NEK3: variants seen among roughly 807,000 people sequenced by gnomAD.
NEK3 encodes the protein NIMA related kinase 3.
Under a neutral mutation model 66.0 loss-of-function variants are expected in NEK3, and 54 were observed. The ratio of observed to expected loss-of-function variants is 0.82; its 90% CI spans 0.66 to 1.03. The LOEUF (loss-of-function observed/expected upper bound fraction) is 1.03, where lower values mean the gene tolerates loss of function less well. Ranked by LOEUF, NEK3 falls within the 50% of genes least tolerant of loss-of-function variation. The pLI is 0.00. For missense variants in NEK3, 593 were observed against 603.0 expected (o/e 0.98, Z 0.17); for synonymous variants, 200 against 206.2 (o/e 0.97, Z 0.26).
In NEK3 at chr13:52,133,774, C is replaced by T; in HGVS notation, c.1351G>A (p.Glu451Lys). The change falls in exon 15 of 16, where the codon GAA becomes AAA. Residue 451 changes from glutamate (E) to lysine (K), a missense_variant. By Grantham distance (56) the Glu-to-Lys change is moderately conservative. Coordinates refer to ENST00000610828, the MANE Select transcript of NEK3 (RefSeq NM_002498.3). Reference sequence around the variant, plus strand: ...CCTCCATCAACACTGTCCGATGCTTCTGTTTCTTCAGACAGGGGGCCTTTC... The same window carrying T: ...CCTCCATCAACACTGTCCGATGCTTTTGTTTCTTCAGACAGGGGGCCTTTC... ...FLKGPLSEETEASDSVDGGHD... is the reference protein window; with the variant it reads ...FLKGPLSEETKASDSVDGGHD... The T allele has an allele frequency of 6.3e-7, 1 of 1,595,868 alleles. No homozygotes were observed. The highest frequency in any genetic ancestry group is 8.5e-7 in the Non-Finnish European group (1 of 1,170,378).
At chr13:52,155,348 T>C (rs1956386343) in intron 2 of NEK3, among the ~76,000 whole-genome samples, 1 of 152,214 alleles carries the variant, frequency 6.6e-6, no homozygotes, top group South Asian at 2.1e-4. Flanking sequence ...ATAAAACCTA[T>C]AAACTGATCC....
intron 10 of NEK3, among the ~76,000 whole-genome samples, chr13:52,143,611 A>G (rs1956268808): frequency 6.6e-6 from 1 of 152,210 alleles, no homozygotes; most frequent in African/African-American, 2.4e-5. Flanking sequence ...TTCTTAGGTC[A>G]GGCAACAGAA....
Position 52,136,110 on chromosome 13 carries a change from A to G in NEK3, c.1174+6T>C, listed in dbSNP as rs1198418407. On this transcript the variant is annotated splice_donor_region_variant and intron_variant, in intron 13 of 15. Transcript: ENST00000610828. ...TAAAATAATAGTATTCAATCTGACT[A>G]CTAACCTCTATCGTCCTCTGCTGTT... 3.1e-6 allele frequency: 5 copies of G among 1,613,504 alleles called. No homozygotes were observed. The highest frequency in any genetic ancestry group is 1.3e-5 in the African/African-American group (1 of 74,926).
At chr13:52,143,491 C>T (rs1356828879) in intron 10 of NEK3, among the ~76,000 whole-genome samples, 1 of 152,156 alleles carries the variant, frequency 6.6e-6, no homozygotes, top group African/African-American at 2.4e-5. Context: ...CCAGAGTCCA[C>T]AGTTTACATT....
chr13:52,136,205 TGTC>T lies in NEK3; in HGVS notation c.1082_1084del (p.Arg361del). ...TGTATTGGGTACATTTTTCTCCCAC[TGTC>T]GTCTATGAAGATTTGGTGAACTGGC... On this transcript the variant is annotated inframe_deletion, in exon 13 of 16. Coordinates refer to ENST00000610828, the MANE Select transcript of NEK3 (RefSeq NM_002498.3). 1 of 1,613,838 alleles carries T rather than the reference TGTC, an allele frequency of 6.2e-7. No individual in the cohort carries two copies. Among genetic ancestry groups the T allele is most frequent in the Non-Finnish European group, 8.5e-7 (1 of 1,179,744 alleles).
chr13:52,144,636 A>C lies in NEK3; in HGVS notation c.804+55T>G. On this transcript the variant is annotated intron_variant, in intron 9 of 15. Coordinates refer to ENST00000610828, the MANE Select transcript of NEK3 (RefSeq NM_002498.3). Reference sequence around the variant, plus strand: ...AATGTATAATGTTAAAAGATAACAAACCATTTTACCATACACTTGAAAACT... The same window carrying C: ...AATGTATAATGTTAAAAGATAACAACCCATTTTACCATACACTTGAAAACT... 2.2e-6 allele frequency: 3 copies of C among 1,388,012 alleles called. No individual in the cohort carries two copies. In the Admixed American group the frequency reaches 5.3e-5, roughly 25 times the overall value. The allele number at this position is 1,388,012 out of a possible 1,614,324, so 86.0% of individuals were successfully genotyped here.
chr13:52,153,546 T>G (rs187698100), intron 4 of NEK3, among the ~76,000 whole-genome samples: 1 of 152,296 alleles, frequency 6.6e-6, no homozygotes, highest in East Asian at 1.9e-4. Context: ...ATTCTTCTGA[T>G]GTTTTAGTAA....
chr13:52,136,928 T>C lies in NEK3; in HGVS notation c.928-26A>G, dbSNP rs775679363. ...CTTTAAAAGAGATTAACAATACAGA[T>C]TAAATAATGCTTGAATTGCCACAAA... On this transcript the variant is annotated intron_variant, in intron 11 of 15. Transcript: ENST00000610828. 23 of 1,430,674 alleles carry C rather than the reference T, an allele frequency of 1.6e-5. No individual in the cohort carries two copies. The South Asian group carries it at 3.1e-4, about 20-fold the overall frequency. The allele number at this position is 1,430,674 out of a possible 1,614,324, so 88.6% of individuals were successfully genotyped here. A position where few individuals can be genotyped will look rare whatever the true frequency, so the allele number is the denominator to read the frequency against.
intron 5 of NEK3, among the ~76,000 whole-genome samples, chr13:52,151,927 G>A (rs185692443): frequency 1.2e-4 from 19 of 152,246 alleles, no homozygotes; most frequent in Admixed American, 9.8e-4. Context: ...ACAGTAACAC[G>A]CTGTACCAGT....
At chr13:52,133,641 A>ACACACACACACC (rs1956175377) in intron 15 of NEK3, 48 bp downstream of exon 15, 3 of 1,544,462 alleles carry the variant, frequency 1.9e-6, no homozygotes, top group Admixed American at 2.0e-5. Flanking sequence ...ACACACACAC[A>ACACACACACACC]CACACCCCCA....
chr13:52,147,369 G>A (rs997813234), intron 8 of NEK3, among the ~76,000 whole-genome samples: 1 of 152,084 alleles, frequency 6.6e-6, no homozygotes, highest in Non-Finnish European at 1.5e-5. Flanking sequence ...AGACAGAAAC[G>A]ACCCAAGTGT....
intron 11 of NEK3, among the ~76,000 whole-genome samples, chr13:52,137,815 C>T (rs762487271): frequency 3.9e-5 from 6 of 152,224 alleles, no homozygotes; most frequent in Non-Finnish European, 8.8e-5. Flanking sequence ...TCATTGCCAT[C>T]GTCCTTTGCT....
chr13:52,134,159 T>C (rs1307908340), intron 14 of NEK3, among the ~76,000 whole-genome samples: 1 of 152,146 alleles, frequency 6.6e-6, no homozygotes, highest in Non-Finnish European at 1.5e-5. Flanking sequence ...GTCTCCCAAG[T>C]TGCTGGGACT....
intron 11 of NEK3, 94 bp from the exon 12 acceptor site, chr13:52,136,996 A>G: frequency 2.6e-6 from 2 of 769,400 alleles, no homozygotes; most frequent in Non-Finnish European, 4.0e-6. Flanking sequence ...AATTTCAAAT[A>G]AAAATTAATG....
intron 5 of NEK3, 57 bp from the exon 6 acceptor site, chr13:52,151,449 T>C: frequency 6.9e-7 from 1 of 1,458,836 alleles, no homozygotes; most frequent in Admixed American, 2.0e-5. Context: ...ATGAGGCAGA[T>C]AAGCTGTCTT....
At chr13:52,141,685 C>T (rs562399100) in intron 10 of NEK3, among the ~76,000 whole-genome samples, 2 of 152,264 alleles carry the variant, frequency 1.3e-5, no homozygotes, top group South Asian at 4.1e-4. Context: ...TTTCATTATT[C>T]TGGTCTGTCT....
chr13:52,139,121 G>A (rs921388190), intron 11 of NEK3, among the ~76,000 whole-genome samples: 1 of 152,212 alleles, frequency 6.6e-6, no homozygotes, highest in African/African-American at 2.4e-5. Flanking sequence ...CCGAATGCCA[G>A]CCTGAAAATT....
chr13:52,133,271 C>A (rs764442036), intron 15 of NEK3, 45 bp from the exon 16 acceptor site: 7 of 1,439,034 alleles, frequency 4.9e-6, no homozygotes, highest in Non-Finnish European at 6.7e-6. Flanking sequence ...ATTAGGGGCA[C>A]AGTATCTGTT....
Position 52,141,016 on chromosome 13 carries a change from T to A in NEK3, c.927+4A>T. The stretch of plus-strand genomic sequence containing the variant: ...CCTCATAAAAGTAATTTTAAAGCAC[T>A]TACCACTGTGCTTGCTTCATTTCCC... On this transcript the variant is annotated splice_donor_region_variant and intron_variant, in intron 11 of 15. Coordinates refer to ENST00000610828, the MANE Select transcript of NEK3 (RefSeq NM_002498.3). The A allele has an allele frequency of 6.3e-7, 1 of 1,589,816 alleles. No individual in the cohort carries two copies. The highest frequency in any genetic ancestry group is 8.6e-7 in the Non-Finnish European group (1 of 1,167,642).
Sources: allele counts gnomAD v4.1 joint callset (sites outside exome capture counted in the v4.1 genomes callset), GRCh38; gene constraint gnomAD v4.1.1; transcripts MANE v1.5; gene names NCBI Gene and HGNC (gene_info 2026-07-23, HGNC 2026-07-21).